Variants in ARMH4 observed in about 807,000 individuals in gnomAD.
The protein encoded by ARMH4 is armadillo like helical domain containing 4, also known as armadillo-like helical domain-containing protein 4.
A neutral mutation model predicts 61.9 loss-of-function variants in ARMH4; 49 were observed. The observed-to-expected ratio is 0.79, with a 90% CI of 0.63 to 1.00. The LOEUF is 1.00. Ranked by LOEUF, ARMH4 falls within the 50% of genes least tolerant of loss-of-function variation. ARMH4 has a pLI of 0.00. For missense variants in ARMH4, 934 were observed against 930.0 expected (o/e 1.00, Z -0.06); for synonymous variants, 368 against 341.5 (o/e 1.08, Z -0.85).
chr14:58,065,831 A>G (rs1032985419), intron 5 of ARMH4, among the ~76,000 whole-genome samples: 3 of 152,242 alleles, frequency 2.0e-5, no homozygotes, highest in African/African-American at 7.2e-5. Context: ...TGATGAAGCA[A>G]GCTGTTGTGA....
intron 1 of ARMH4, among the ~76,000 whole-genome samples, chr14:58,141,961 A>G (rs1415585873): frequency 6.6e-6 from 1 of 152,178 alleles, no homozygotes; most frequent in Non-Finnish European, 1.5e-5. Flanking sequence ...ATTATAAGAT[A>G]AAAAAATTAT....
intron 5 of ARMH4, among the ~76,000 whole-genome samples, chr14:58,066,871 C>T (rs1013736646): frequency 2.0e-5 from 3 of 152,286 alleles, no homozygotes; most frequent in Non-Finnish European, 4.4e-5. Context: ...TCATTTGTAT[C>T]AGACTCAAAG....
At position 58,002,618 on chromosome 14, in the gene ARMH4, A is replaced by G. The variant is rs1317158387; in HGVS notation, c.*2118T>C. 6.6e-6 allele frequency: 1 copy of G among 152,264 alleles called. No homozygotes were observed. Among genetic ancestry groups the G allele is most frequent in the Non-Finnish European group, 1.5e-5 (1 of 68,044 alleles). The allele number at this position is 152,264 out of a possible 1,614,324, so 9.4% of individuals were successfully genotyped here. Reference sequence around the variant, plus strand: ...TACTCAGTTAAGTGGCCTACGACGTATTCTCAACAAATAGTTTGTCAAGAA... The same window carrying G: ...TACTCAGTTAAGTGGCCTACGACGTGTTCTCAACAAATAGTTTGTCAAGAA... On this transcript the variant is annotated 3_prime_UTR_variant, in exon 8 of 8. Transcript: ENST00000267485.
In ARMH4 at chr14:58,131,504, A is replaced by G; in HGVS notation, c.1831+8T>C. ...TCCTTGAAAAGATCCCCTTCAAAGC[A>G]TGAATACCTTCAGATTCAAGTTGGT... On this transcript the variant is annotated splice_region_variant and intron_variant, in intron 4 of 7. Coordinates refer to ENST00000267485, the MANE Select transcript of ARMH4 (RefSeq NM_001001872.4). 6.2e-7 allele frequency: 1 copy of G among 1,610,308 alleles called. No homozygotes were observed. The highest frequency in any genetic ancestry group is 1.7e-5 in the Admixed American group (1 of 60,000).
chr14:58,097,067 T>C (rs1332296952), intron 4 of ARMH4, 86 bp from the exon 5 acceptor site: 17 of 1,385,458 alleles, frequency 1.2e-5, no homozygotes, highest in Non-Finnish European at 1.7e-5. Context: ...ATCCAAACAC[T>C]ACAAAATAAT....
At chr14:58,033,190 C>G (rs12889008) in intron 5 of ARMH4, among the ~76,000 whole-genome samples, 11 of 103,290 alleles carry the variant, frequency 1.1e-4, no homozygotes, top group Non-Finnish European at 2.0e-4. Flanking sequence ...TCTCCCAGCA[C>G]GCAGCTGGAG....
intron 5 of ARMH4, among the ~76,000 whole-genome samples, chr14:58,066,517 T>G (rs1884707321): frequency 6.6e-6 from 1 of 152,196 alleles, no homozygotes; most frequent in African/African-American, 2.4e-5. Flanking sequence ...GTGAGTTTAT[T>G]AAACACCACT....
At chr14:58,061,884 G>A (rs1884542069) in intron 5 of ARMH4, among the ~76,000 whole-genome samples, 1 of 151,930 alleles carries the variant, frequency 6.6e-6, no homozygotes, top group African/African-American at 2.4e-5. Context: ...TGGGGTTAAA[G>A]TCAGAATCCA....
chr14:58,131,622 G>C lies in ARMH4; in HGVS notation c.1721C>G (p.Ser574Cys), dbSNP rs759937754. ...PGIMVGEPSI[S>C]PALPALEASS... ...TGCCTCCAAAGCAGGAAGTGCAGGG[G>C]AAATGCTGGGTTCCCCCACCATTAT... Residue 574 changes from serine (S) to cysteine (C), a missense_variant, in exon 4 of 8, where the codon TCC becomes TGC. Physicochemically the swap from Ser to Cys is moderately radical, Grantham distance 112. Coordinates refer to ENST00000267485, the MANE Select transcript of ARMH4 (RefSeq NM_001001872.4). The C allele has an allele frequency of 1.1e-5, 18 of 1,613,932 alleles. No homozygotes were observed. In the South Asian group the frequency reaches 2.0e-4, roughly 18 times the overall value.
chr14:58,028,839 A>G (rs1416215101), intron 5 of ARMH4, among the ~76,000 whole-genome samples: 3 of 152,150 alleles, frequency 2.0e-5, no homozygotes, highest in African/African-American at 7.2e-5. Context: ...ATCCACAGTC[A>G]CTCAGTCCAC....
intron 5 of ARMH4, among the ~76,000 whole-genome samples, chr14:58,058,706 G>A (rs1879247272): frequency 6.6e-6 from 1 of 152,154 alleles, no homozygotes; most frequent in South Asian, 2.1e-4. Flanking sequence ...GGTTTTGGTG[G>A]GATTTGGCTG....
intron 4 of ARMH4, among the ~76,000 whole-genome samples, chr14:58,107,979 A>C (rs1259708963): frequency 6.6e-6 from 1 of 152,138 alleles, no homozygotes; most frequent in Non-Finnish European, 1.5e-5. Flanking sequence ...TATGCCAATA[A>C]CAATCAAAAG....
chr14:58,015,226 C>T (rs936209206), intron 5 of ARMH4, among the ~76,000 whole-genome samples: 8 of 152,192 alleles, frequency 5.3e-5, no homozygotes, highest in African/African-American at 1.9e-4. Flanking sequence ...GGCAAGAAGG[C>T]ACATCAGTGC....
chr14:58,102,776 AGT>A lies in ARMH4; in HGVS notation c.1832-5797_1832-5796del, dbSNP rs1417338922. On this transcript the variant is annotated intron_variant, in intron 4 of 7. Coordinates refer to ENST00000267485, the MANE Select transcript of ARMH4 (RefSeq NM_001001872.4). Reference sequence around the variant, plus strand: ...CAGTGAGCCGAGATTGCGCCACTGCAGTCCGCAGTCCGGCCTGGGCGACAGAG... The same window carrying A: ...CAGTGAGCCGAGATTGCGCCACTGCACCGCAGTCCGGCCTGGGCGACAGAG... 1.3e-3 allele frequency among the ~76,000 whole-genome samples: 184 copies of A among 137,734 alleles called. 1 individual carries two copies. The highest frequency in any genetic ancestry group is 2.4e-3 in the Non-Finnish European group (159 of 65,184). 90.4% of individuals were successfully genotyped at this position (137,734 alleles called of 152,430 possible). A position where few individuals can be genotyped will look rare whatever the true frequency, so the allele number is the denominator to read the frequency against.
intron 5 of ARMH4, among the ~76,000 whole-genome samples, chr14:58,042,190 T>C (rs1386992345): frequency 6.6e-6 from 1 of 152,154 alleles, no homozygotes; most frequent in Non-Finnish European, 1.5e-5. Flanking sequence ...ATTGACCACA[T>C]AGTTGGAAAT....
intron 4 of ARMH4, chr14:58,116,427 C>T: frequency 2.6e-6 from 1 of 390,660 alleles, no homozygotes; most frequent in East Asian, 8.1e-5. Context: ...GTAATTCCAA[C>T]ACTTTGGGAG....
chr14:58,113,848 T>A (rs1191868881), intron 4 of ARMH4, among the ~76,000 whole-genome samples: 2 of 151,958 alleles, frequency 1.3e-5, no homozygotes, highest in Admixed American at 6.6e-5. Context: ...TATTTCTAAA[T>A]GTTCTATTTG....
chr14:58,098,590 C>A (rs974587995), intron 4 of ARMH4, among the ~76,000 whole-genome samples: 10 of 152,174 alleles, frequency 6.6e-5, no homozygotes. Context: ...ATAATGCATT[C>A]TTTTGTTTAA....
intron 4 of ARMH4, among the ~76,000 whole-genome samples, chr14:58,115,838 G>C (rs1435644104): frequency 2.0e-5 from 3 of 152,156 alleles, no homozygotes; most frequent in African/African-American, 7.2e-5. Flanking sequence ...GCTCTCACTT[G>C]TAAGTGGGAG....
Sources: gnomAD v4.1 joint callset for allele counts (sites outside exome capture counted in the v4.1 genomes callset) on GRCh38, gnomAD v4.1.1 for gene constraint, MANE v1.5 for transcripts, NCBI Gene and HGNC (gene_info 2026-07-23, HGNC 2026-07-21) for gene names.